The following EPHB1 variants were observed in gnomAD, a reference collection of about 807,000 sequenced individuals.
EPHB1 encodes EPH receptor B1, also known as ephrin type-B receptor 1.
In EPHB1, 30 loss-of-function variants were observed where a neutral mutation model predicts 94.4. The observed-to-expected ratio is 0.32, with a 90% CI of 0.24 to 0.43. The LOEUF is 0.43. Among genes scored for constraint, EPHB1 ranks in the 20% least tolerant of loss-of-function variants. The probability of loss-of-function intolerance (pLI) is 1.00; values close to 1 mark genes in which losing one functional copy is unlikely to be tolerated. For synonymous variants in EPHB1, 522 were observed against 489.1 expected (o/e 1.07, Z -0.89); for missense variants, 1,055 against 1,308.3 (o/e 0.81, Z 2.99).
intron 1 of EPHB1, among the ~76,000 whole-genome samples, chr3:134,919,871 T>C (rs1196903323): frequency 6.6e-6 from 1 of 151,994 alleles, no homozygotes; most frequent in African/African-American, 2.4e-5. Context: ...TGTGTATGCA[T>C]GCGCCTGTGT....
At chr3:134,813,730 G>T (rs1457147331) in intron 1 of EPHB1, among the ~76,000 whole-genome samples, 2 of 152,168 alleles carry the variant, frequency 1.3e-5, no homozygotes, top group African/African-American at 4.8e-5. Context: ...GGATTCTACA[G>T]GCTTTCCAAC....
At chr3:135,199,077 A>G (rs370572485) in intron 11 of EPHB1, among the ~76,000 whole-genome samples, 1 of 152,242 alleles carries the variant, frequency 6.6e-6, no homozygotes, top group African/African-American at 2.4e-5. Context: ...ATGTAGACAC[A>G]TTGCTGCATG....
chr3:134,938,846 G>A (rs1031422539), intron 2 of EPHB1, among the ~76,000 whole-genome samples: 1 of 152,138 alleles, frequency 6.6e-6, no homozygotes, highest in Non-Finnish European at 1.5e-5. Context: ...TCGAGGCTCA[G>A]AGAAGTTTAA....
chr3:135,083,975 G>A (rs1377836745), intron 3 of EPHB1, among the ~76,000 whole-genome samples: 1 of 152,144 alleles, frequency 6.6e-6, no homozygotes, highest in Non-Finnish European at 1.5e-5. Context: ...TGTGGTGGCA[G>A]GATGGTGAAA....
At chr3:135,020,081 C>T (rs1419963186) in intron 3 of EPHB1, among the ~76,000 whole-genome samples, 2 of 152,176 alleles carry the variant, frequency 1.3e-5, no homozygotes, top group Non-Finnish European at 1.5e-5. Flanking sequence ...GTACAACAAA[C>T]GGTGTTGGTT....
chr3:134,810,244 T>A (rs34901704), intron 1 of EPHB1, among the ~76,000 whole-genome samples: 7,347 of 151,400 alleles, frequency 0.049, 242 homozygotes, highest in Middle Eastern at 0.092. Flanking sequence ...TTCTTTCCAT[T>A]CACGGGCTTG....
At chr3:134,899,171 C>G (rs932031921) in intron 1 of EPHB1, among the ~76,000 whole-genome samples, 3 of 152,128 alleles carry the variant, frequency 2.0e-5, no homozygotes, top group African/African-American at 4.8e-5. Context: ...GGGCAATTCC[C>G]AGGAGTAGTT....
intron 1 of EPHB1, among the ~76,000 whole-genome samples, chr3:134,885,600 A>G (rs983231130): frequency 6.6e-6 from 1 of 152,192 alleles, no homozygotes; most frequent in East Asian, 1.9e-4. Context: ...ATAACTCCCT[A>G]AACCAATTTC....
chr3:134,994,524 G>A (rs1223205679), intron 3 of EPHB1, among the ~76,000 whole-genome samples: 8 of 152,156 alleles, frequency 5.3e-5, no homozygotes, highest in Admixed American at 5.2e-4. Flanking sequence ...TTTCTTGTCT[G>A]GCAAAATACC....
intron 1 of EPHB1, among the ~76,000 whole-genome samples, chr3:134,847,461 G>A (rs930565020): frequency 6.6e-6 from 1 of 152,238 alleles, no homozygotes; most frequent in African/African-American, 2.4e-5. Context: ...GATTAAGTGA[G>A]ATGCTGTGTC....
intron 13 of EPHB1, among the ~76,000 whole-genome samples, chr3:135,245,142 A>C (rs936008625): frequency 6.6e-6 from 1 of 152,218 alleles, no homozygotes; most frequent in Non-Finnish European, 1.5e-5. Flanking sequence ...GAAGACATCT[A>C]CTAAAATAGA....
intron 3 of EPHB1, among the ~76,000 whole-genome samples, chr3:134,975,658 A>G (rs1215299640): frequency 2.6e-5 from 4 of 152,160 alleles, no homozygotes; most frequent in Non-Finnish European, 5.9e-5. Context: ...GGCAGGTCAC[A>G]TTATTTACAT....
rs193249878 is a variant in EPHB1, at chr3:134,871,467, C to T, written c.59-54349C>T. On this transcript the variant is annotated intron_variant, in intron 1 of 15. Coordinates refer to ENST00000398015, the MANE Select transcript of EPHB1 (RefSeq NM_004441.5). ...GCTCTGGAGCTCCCAGCGGCTGGCT[C>T]GAAGTGGATTCAGTTTCCAGAGACA... is the stretch of plus-strand genomic sequence containing the variant. Among the ~76,000 whole-genome samples the T allele has an allele frequency of 9.4e-4, 143 of 152,160 alleles. 2 individuals are homozygous for T. The highest frequency in any genetic ancestry group is 3.4e-3 in the African/African-American group (140 of 41,490).
At chr3:134,908,499 G>C (rs1039683127) in intron 1 of EPHB1, among the ~76,000 whole-genome samples, 7 of 152,240 alleles carry the variant, frequency 4.6e-5, no homozygotes, top group African/African-American at 1.7e-4. Flanking sequence ...GAGGGCAATA[G>C]GGCTTTTGTG....
intron 1 of EPHB1, among the ~76,000 whole-genome samples, chr3:134,868,306 C>T (rs1449731365): frequency 6.6e-6 from 1 of 152,106 alleles, no homozygotes; most frequent in Non-Finnish European, 1.5e-5. Context: ...GCTGTTTGGA[C>T]CCTAAGGCCA....
At chr3:135,132,661 C>A (rs115158688) in intron 4 of EPHB1, 53 bp from the exon 5 acceptor site, 1 of 1,472,934 alleles carries the variant, frequency 6.8e-7, no homozygotes, top group Non-Finnish European at 9.1e-7. Context: ...AGAGAGCTGC[C>A]GGACAAGGAA....
intron 1 of EPHB1, among the ~76,000 whole-genome samples, chr3:134,883,699 T>C (rs1388771505): frequency 6.6e-6 from 1 of 152,182 alleles, no homozygotes; most frequent in African/African-American, 2.4e-5. Flanking sequence ...ATTCAGAATG[T>C]ATCCGGGTAA....
At chr3:135,109,947 C>T (rs1939375322) in intron 4 of EPHB1, among the ~76,000 whole-genome samples, 3 of 152,222 alleles carry the variant, frequency 2.0e-5, no homozygotes, top group African/African-American at 7.2e-5. Context: ...GTCAGCCGGG[C>T]AGAGGGACAG....
chr3:135,190,089 T>C (rs1445344154), intron 10 of EPHB1, among the ~76,000 whole-genome samples: 4 of 152,314 alleles, frequency 2.6e-5, no homozygotes, highest in Middle Eastern at 3.4e-3. Flanking sequence ...CAGGAAAAGA[T>C]GGGTATGGAC....
Sources: allele counts gnomAD v4.1 joint callset (sites outside exome capture counted in the v4.1 genomes callset), GRCh38; gene constraint gnomAD v4.1.1; transcripts MANE v1.5; gene names NCBI Gene and HGNC (gene_info 2026-07-23, HGNC 2026-07-21).